Variants in SALL1 observed in about 807,000 individuals in gnomAD.
SALL1 encodes the protein sal-like protein 1.
SALL1 carries 10 observed loss-of-function variants against 73.1 expected under a neutral mutation model. The ratio of observed to expected loss-of-function variants is 0.14; its 90% CI spans 0.08 to 0.23. The LOEUF (loss-of-function observed/expected upper bound fraction) is 0.23, where lower values mean the gene tolerates loss of function less well. Ranked by LOEUF, SALL1 falls within the 10% of genes least tolerant of loss-of-function variation. The pLI, the probability that SALL1 is intolerant of heterozygous loss-of-function variation, is 1.00. For synonymous variants in SALL1, 688 were observed against 689.8 expected (o/e 1.00, Z 0.04); for missense variants, 1,520 against 1,697.3 (o/e 0.90, Z 1.84).
chr16:51,143,325 A>G, intron 1 of SALL1: 1 of 428,588 alleles, frequency 2.3e-6, no homozygotes, highest in South Asian at 1.7e-5. Flanking sequence ...ATCCTATTCA[A>G]AGACAGGATG....
In SALL1 at chr16:51,136,897, TTC is replaced by T. The variant is rs1962308512; in HGVS notation, c.*213_*214del. ...CAGAAGACCAAAGTTAACGCTTGCA[TTC>T]TGTTTGCAAAGCAAGGTTATATCGC... On this transcript the variant is annotated 3_prime_UTR_variant, in exon 3 of 3. Coordinates refer to ENST00000251020, the MANE Select transcript of SALL1 (RefSeq NM_002968.3). The T allele has an allele frequency of 6.9e-6, 4 of 576,826 alleles. No homozygotes were observed. Among genetic ancestry groups the T allele is most frequent in the East Asian group, 5.9e-5 (2 of 34,090 alleles). The allele number at this position is 576,826 out of a possible 1,614,324, so 35.7% of individuals were successfully genotyped here. A position where few individuals can be genotyped will look rare whatever the true frequency, so the allele number is the denominator to read the frequency against.
Position 51,137,024 on chromosome 16 carries a change from C to T in SALL1, c.*88G>A, listed in dbSNP as rs1235902343. On this transcript the variant is annotated 3_prime_UTR_variant, in exon 3 of 3. Transcript: ENST00000251020. ...AGATCTGGGGAACAGAAGGAAGGGG[C>T]GGGGCGGGGTGGGGGGCAAGGAGTA... is the stretch of plus-strand genomic sequence containing the variant. The T allele has an allele frequency of 1.7e-5, 17 of 986,882 alleles. No homozygotes were observed. Among genetic ancestry groups the T allele is most frequent in the African/African-American group, 9.1e-5 (3 of 32,816 alleles). The allele number at this position is 986,882 out of a possible 1,614,324, so 61.1% of individuals were successfully genotyped here.
chr16:51,142,139 G>T lies in SALL1; in HGVS notation c.83C>A (p.Thr28Lys). 1 of 1,611,898 alleles carries T rather than the reference G, an allele frequency of 6.2e-7. No homozygotes were observed. Among genetic ancestry groups the T allele is most frequent in the Non-Finnish European group, 8.5e-7 (1 of 1,179,182 alleles). Residue 28 changes from threonine to lysine, a missense_variant, in exon 2 of 3, where the codon ACA becomes AAA. Physicochemically the swap from Thr to Lys is moderately conservative, Grantham distance 78. This residue lies in a region of SALL1 where 540 missense variants were observed against 567.5 expected (regional missense o/e 0.95). Transcript: ENST00000251020. ...VASLPRRDGD[T>K]EKGQPSRPTK... Reference sequence around the variant, plus strand: ...AGGGCGACTCGGTTGACCCTTTTCTGTGTCTCCTACAAATGTCAAAAAGGT... The same window carrying T: ...AGGGCGACTCGGTTGACCCTTTTCTTTGTCTCCTACAAATGTCAAAAAGGT...
chr16:51,140,409 G>C lies in SALL1; in HGVS notation c.1813C>G (p.Leu605Val), dbSNP rs1309673430. The C allele has an allele frequency of 6.2e-7, 1 of 1,614,116 alleles. No individual in the cohort carries two copies. The highest frequency in any genetic ancestry group is 1.3e-5 in the African/African-American group (1 of 75,056). ...TCGGCTTCCTCTGGGAGCCCACCTA[G>C]GTTTCTTGTGGCTGACTCAGGGCCC... ...SGGPESATRN[L>V]GGLPEEAEGS... The change falls in exon 2 of 3, where the codon CTA (leucine) becomes GTA (valine). Residue 605 changes from leucine (L) to valine (V), a missense_variant. By Grantham distance (32) the Leu-to-Val change is conservative. This residue lies in a region of SALL1 where 276 missense variants were observed against 259.1 expected (regional missense o/e 1.07). Transcript: ENST00000251020. This position sits in a 1 kb window ranked among gnomAD's most constrained non-coding sequence, Gnocchi z 5.7.
upstream of SALL1, chr16:51,151,363 C>T (rs1359396872): frequency 2.8e-6 from 1 of 361,910 alleles, no homozygotes; most frequent in African/African-American, 2.2e-5. Flanking sequence ...CGCCCGCCCC[C>T]TCCCCGGCTC....
rs1962306879 is a variant in SALL1 at position 51,136,758 on chromosome 16, T to A, written c.*354A>T. 3 of 319,572 alleles carry A rather than the reference T, an allele frequency of 9.4e-6. No individual in the cohort carries two copies. The highest frequency in any genetic ancestry group is 4.3e-5 in the African/African-American group (2 of 46,768). The allele number at this position is 319,572 out of a possible 1,614,324, so 19.8% of individuals were successfully genotyped here. On this transcript the variant is annotated 3_prime_UTR_variant, in exon 3 of 3. Coordinates refer to ENST00000251020, the MANE Select transcript of SALL1 (RefSeq NM_002968.3). ...AACACCAGATTCATATTAAACTGGA[T>A]ATAGAAAATAAGTTAATGCCAGATT...
upstream of SALL1, chr16:51,151,317 G>C (rs1478639877): frequency 8.8e-6 from 8 of 912,142 alleles, no homozygotes; most frequent in Non-Finnish European, 1.0e-5. Context: ...GAAATCGAGC[G>C]GCGGCGGCGG....
Position 51,141,747 on chromosome 16 carries a change from T to TGCTGCC in SALL1, c.474_475insGGCAGC (p.Ser158_Ser159insGlySer). 1 of 1,245,536 alleles carries TGCTGCC rather than the reference T, an allele frequency of 8.0e-7. No individual in the cohort carries two copies. Among genetic ancestry groups the TGCTGCC allele is most frequent in the Non-Finnish European group, 1.1e-6 (1 of 922,610 alleles). 77.2% of individuals were successfully genotyped at this position (1,245,536 alleles called of 1,614,324 possible). ...GTGGAGGAGCTGCCGCCGCCGCCGCTGCTGCTGCTGCTGCTGCTGCTGCTG... is the reference window on the plus strand; with the variant it reads ...GTGGAGGAGCTGCCGCCGCCGCCGCTGCTGCCGCTGCTGCTGCTGCTGCTGCTGCTG... On this transcript the variant is annotated inframe_insertion, in exon 2 of 3. Transcript: ENST00000251020. The surrounding 1 kb of genome is among the most constrained non-coding windows in gnomAD (Gnocchi z 5.4).
At position 51,136,988 on chromosome 16, in the gene SALL1, T is replaced by A; in HGVS notation, c.*124A>T. ...GGTACAAAAGAATGTCTTCATAATGTTGTAGTTCATAGATCTGGGGAACAG... is the reference window on the plus strand; with the variant it reads ...GGTACAAAAGAATGTCTTCATAATGATGTAGTTCATAGATCTGGGGAACAG... On this transcript the variant is annotated 3_prime_UTR_variant, in exon 3 of 3. Coordinates refer to ENST00000251020, the MANE Select transcript of SALL1 (RefSeq NM_002968.3). 1 of 773,294 alleles carries A rather than the reference T, an allele frequency of 1.3e-6. No homozygotes were observed. Among genetic ancestry groups the A allele is most frequent in the Non-Finnish European group, 2.2e-6 (1 of 453,366 alleles). 47.9% of individuals were successfully genotyped at this position (773,294 alleles called of 1,614,324 possible). A position where few individuals can be genotyped will look rare whatever the true frequency, so the allele number is the denominator to read the frequency against.
At chr16:51,152,305 A>C (rs1168948441), upstream of SALL1, 2 of 152,382 alleles carry the variant, frequency 1.3e-5, no homozygotes, top group Admixed American at 1.3e-4. Flanking sequence ...TACCTCGGAC[A>C]TTCCCAGGAC....
chr16:51,151,673 A>G (rs1962611815), upstream of SALL1, among the ~76,000 whole-genome samples: 2 of 146,974 alleles, frequency 1.4e-5, no homozygotes, highest in Middle Eastern at 3.5e-3. Context: ...CCTCCTCTCC[A>G]CTGCGGGCCC....
At position 51,140,661 on chromosome 16, in the gene SALL1, G is replaced by A; in HGVS notation, c.1561C>T (p.Pro521Ser). Reference sequence around the variant, plus strand: ...CCATATGGGATGCCAGTACTCGTGGGGATATTGTCCAAATGCTCAGGCACA... The same window carrying A: ...CCATATGGGATGCCAGTACTCGTGGAGATATTGTCCAAATGCTCAGGCACA... ...YPVPEHLDNI[P>S]TSTGIPYGMS... The change falls in exon 2 of 3, where the codon CCC becomes TCC. Residue 521 changes from proline (P) to serine (S), a missense_variant. This residue lies in a region of SALL1 where 276 missense variants were observed against 259.1 expected (regional missense o/e 1.07). Transcript: ENST00000251020. The surrounding 1 kb of genome is among the most constrained non-coding windows in gnomAD (Gnocchi z 5.7). 6.2e-7 allele frequency: 1 copy of A among 1,614,160 alleles called. No individual in the cohort carries two copies. Among genetic ancestry groups the A allele is most frequent in the Non-Finnish European group, 8.5e-7 (1 of 1,180,018 alleles).
At chr16:51,137,675 G>T (rs1038461503) in intron 2 of SALL1, 123 bp from the exon 3 acceptor site, 10 of 733,902 alleles carry the variant, frequency 1.4e-5, no homozygotes, top group Non-Finnish European at 2.3e-5. Context: ...AAAGCAAGTG[G>T]CCTAAATGTC....
At position 51,142,027 on chromosome 16, in the gene SALL1, A is replaced by G. The variant is rs1319477990; in HGVS notation, c.195T>C (p.Cys65=). The change falls in exon 2 of 3, where the codon TGT becomes TGC. Residue 65 remains cysteine (C), a synonymous_variant. Transcript: ENST00000251020. ...CGATTAAAACTAATTGATTTTTAGT[A>G]CAGTTCTTCTTGTGGAGCAGAAGAT... ...LSDLLLHKKN[C]TKNQLVLIVN... 1.2e-6 allele frequency: 2 copies of G among 1,614,080 alleles called. No homozygotes were observed. Among genetic ancestry groups the G allele is most frequent in the East Asian group, 2.2e-5 (1 of 44,884 alleles).
upstream of SALL1, chr16:51,151,270 T>TA: frequency 1.4e-6 from 2 of 1,479,718 alleles, no homozygotes; most frequent in Non-Finnish European, 1.8e-6. Context: ...TGGGGCAGAA[T>TA]AAAAAATTAC....
rs60270998 is a variant in SALL1, at chr16:51,139,879, C to T, written c.2343G>A (p.Leu781=). 41 of 1,614,020 alleles carry T rather than the reference C, an allele frequency of 2.5e-5. No individual in the cohort carries two copies. The Admixed American group carries it at 6.3e-4, about 25-fold the overall frequency. ...CQKKFTNAVV[L]QQHIRMHMGG... ...CCATATGCATTCGGATGTGCTGCTGCAGGACCACAGCGTTCGTGAACTTCT... is the reference window on the plus strand; with the variant it reads ...CCATATGCATTCGGATGTGCTGCTGTAGGACCACAGCGTTCGTGAACTTCT... Residue 781 remains leucine (L), a synonymous_variant, in exon 2 of 3, where the codon CTG becomes CTA. Transcript: ENST00000251020.
intron 1 of SALL1, chr16:51,150,468 C>T (rs1369150873): frequency 4.1e-6 from 4 of 985,506 alleles, no homozygotes; most frequent in South Asian, 4.7e-5. Context: ...ACACTTTCCC[C>T]GTCCGTTTGC....
intron 1 of SALL1, among the ~76,000 whole-genome samples, chr16:51,150,071 T>C (rs1478805926): frequency 6.6e-6 from 1 of 152,180 alleles, no homozygotes; most frequent in Non-Finnish European, 1.5e-5. Context: ...CTGGGAGCTT[T>C]GAGGCCGGTA....
At position 51,139,750 on chromosome 16, in the gene SALL1, G is replaced by C. The variant is rs1476577166; in HGVS notation, c.2472C>G (p.Phe824Leu). ...DEKNFDDLDN[F>L]SDENMEDCPE... ...GACAGTCTTCCATGTTTTCATCAGA[G>C]AAGTTGTCTAGGTCATCAAAATTTT... is the stretch of plus-strand genomic sequence containing the variant. Residue 824 changes from phenylalanine (F) to leucine (L), a missense_variant, in exon 2 of 3, where the codon TTC becomes TTG. This residue lies in a region of SALL1 where 266 missense variants were observed against 275.1 expected (regional missense o/e 0.97). Transcript: ENST00000251020. 2 of 1,614,216 alleles carry C rather than the reference G, an allele frequency of 1.2e-6. No homozygotes were observed. The highest frequency in any genetic ancestry group is 1.7e-5 in the Admixed American group (1 of 60,024).
Sources: allele counts gnomAD v4.1 joint callset (sites outside exome capture counted in the v4.1 genomes callset), GRCh38; gene constraint gnomAD v4.1.1; regional missense constraint gnomAD v4.1.1; non-coding constraint Gnocchi (gnomAD v3.1); transcripts MANE v1.5; gene names NCBI Gene and HGNC (gene_info 2026-07-23, HGNC 2026-07-21).